The following PAPPA variants were observed in gnomAD, a reference collection of about 807,000 sequenced individuals.
PAPPA encodes pappalysin-1.
In PAPPA, 60 loss-of-function variants were observed where a neutral mutation model predicts 164.0. The ratio of observed to expected loss-of-function variants is 0.37; its 90% CI spans 0.30 to 0.45. The LOEUF (loss-of-function observed/expected upper bound fraction) is 0.45, where lower values mean the gene tolerates loss of function less well. Among genes scored for constraint, PAPPA ranks in the 20% least tolerant of loss-of-function variants. The probability of loss-of-function intolerance (pLI) is 1.00; values close to 1 mark genes in which losing one functional copy is unlikely to be tolerated. For synonymous variants in PAPPA, 875 were observed against 814.1 expected, an observed-to-expected ratio of 1.07 and a Z score of -1.27; for missense variants, 1,782 against 2,087.3, an observed-to-expected ratio of 0.85 and a Z score of 2.85.
At chr9:116,343,968 A>G (rs1846172942) in intron 13 of PAPPA, among the ~76,000 whole-genome samples, 1 of 151,770 alleles carries the variant, frequency 6.6e-6, no homozygotes, top group Admixed American at 6.6e-5. Flanking sequence ...GGGTTTTACC[A>G]TGTTGGTCAG....
chr9:116,351,776 T>C (rs956260382), intron 15 of PAPPA, among the ~76,000 whole-genome samples: 11 of 152,210 alleles, frequency 7.2e-5, no homozygotes, highest in Admixed American at 1.3e-4. Context: ...ACTCGGTACA[T>C]AGTAACTGCC....
intron 21 of PAPPA, 47 bp downstream of exon 21, chr9:116,382,540 C>G (rs749626828): frequency 1.6e-5 from 19 of 1,153,898 alleles, no homozygotes; most frequent in Admixed American, 6.7e-5. Context: ...CCCACTTCTC[C>G]AGCTTGTGGG....
chr9:116,154,600 G>A lies in PAPPA; in HGVS notation c.415+13G>A. On this transcript the variant is annotated intron_variant, in intron 1 of 21. Transcript: ENST00000328252. The surrounding 1 kb of genome is among the most constrained non-coding windows in gnomAD (Gnocchi z 5.2). ...GCAGTGATCACAGGTAGGTGAGGGC[G>A]CCTCGGCGGGCGCTGCACCGTCCCT... is the stretch of plus-strand genomic sequence containing the variant. The A allele has an allele frequency of 7.5e-7, 1 of 1,335,346 alleles. No homozygotes were observed. Among genetic ancestry groups the A allele is most frequent in the South Asian group, 1.9e-5 (1 of 52,564 alleles). 82.7% of individuals were successfully genotyped at this position (1,335,346 alleles called of 1,614,324 possible). A position where few individuals can be genotyped will look rare whatever the true frequency, so the allele number is the denominator to read the frequency against.
intron 10 of PAPPA, among the ~76,000 whole-genome samples, chr9:116,304,421 A>G (rs989676148): frequency 6.6e-6 from 1 of 152,226 alleles, no homozygotes; most frequent in African/African-American, 2.4e-5. Flanking sequence ...TTCAGAAACA[A>G]CAGTGCTGGG....
At chr9:116,356,769 TAGTTTTA>T (rs916528693) in intron 17 of PAPPA, among the ~76,000 whole-genome samples, 1 of 152,162 alleles carries the variant, frequency 6.6e-6, no homozygotes, top group Non-Finnish European at 1.5e-5. Flanking sequence ...CCTTGTAGTG[TAGTTTTA>T]AGTCAGGTAG....
rs948415195 is a variant in PAPPA at position 116,332,745 on chromosome 9, C to A, written c.3397+277C>A. On this transcript the variant is annotated intron_variant, in intron 12 of 21. Coordinates refer to ENST00000328252, the MANE Select transcript of PAPPA (RefSeq NM_002581.5). ...GACATCCTGTATTATTCCCCACAGA[C>A]CCCAAGAAGGAGAGAGACTGAGTAA... 4 of 300,174 alleles carry A rather than the reference C, an allele frequency of 1.3e-5. No individual in the cohort carries two copies. The East Asian group carries it at 2.3e-4, about 17-fold the overall frequency. The allele number at this position is 300,174 out of a possible 1,614,324, so 18.6% of individuals were successfully genotyped here.
chr9:116,323,872 T>C (rs777764292), intron 10 of PAPPA, among the ~76,000 whole-genome samples: 29 of 152,202 alleles, frequency 1.9e-4, no homozygotes, highest in Non-Finnish European at 3.2e-4. Flanking sequence ...TCTTACTCTG[T>C]CTTTCCATAA....
Position 116,371,929 on chromosome 9 carries a change from G to T in PAPPA, c.4605+4175G>T, listed in dbSNP as rs192551185. ...ATTTGTAAATTTATTTGTAGACTTG[G>T]TCCCTATCACTACGAATTGGTTTTG... On this transcript the variant is annotated intron_variant, in intron 19 of 21. Transcript: ENST00000328252. 1.3e-4 allele frequency among the ~76,000 whole-genome samples: 20 copies of T among 152,164 alleles called. No individual in the cohort carries two copies. The East Asian group carries it at 3.9e-3, about 29-fold the overall frequency.
intron 13 of PAPPA, among the ~76,000 whole-genome samples, chr9:116,335,377 T>C (rs1033660105): frequency 6.6e-6 from 1 of 152,126 alleles, no homozygotes; most frequent in Non-Finnish European, 1.5e-5. Context: ...TGAGCTTCAG[T>C]GTCCTCATCT....
intron 19 of PAPPA, among the ~76,000 whole-genome samples, chr9:116,371,554 A>C (rs899628786): frequency 6.6e-6 from 1 of 151,886 alleles, no homozygotes; most frequent in Non-Finnish European, 1.5e-5. Flanking sequence ...ATAAATAAAA[A>C]CTTTACAGAT....
At chr9:116,186,614 G>A (rs1020192400) in intron 1 of PAPPA, among the ~76,000 whole-genome samples, 1 of 152,086 alleles carries the variant, frequency 6.6e-6, no homozygotes, top group Non-Finnish European at 1.5e-5. Flanking sequence ...GCTAATGGCA[G>A]ATGTACACTC....
intron 7 of PAPPA, among the ~76,000 whole-genome samples, chr9:116,259,533 CAT>C (rs1262472852): frequency 6.6e-6 from 1 of 152,074 alleles, no homozygotes; most frequent in Non-Finnish European, 1.5e-5. Context: ...GATCCACAAA[CAT>C]GTGAAAAGAT....
At chr9:116,301,689 A>G (rs907588678) in intron 9 of PAPPA, among the ~76,000 whole-genome samples, 8 of 152,162 alleles carry the variant, frequency 5.3e-5, no homozygotes, top group Non-Finnish European at 1.2e-4. Flanking sequence ...ATCATTCCAA[A>G]CAGAAGCACT....
At chr9:116,233,203 C>T (rs774552490) in intron 6 of PAPPA, among the ~76,000 whole-genome samples, 7 of 152,220 alleles carry the variant, frequency 4.6e-5, no homozygotes, top group Admixed American at 2.6e-4. Context: ...AGCTACATGG[C>T]GTTGAGCGAA....
At chr9:116,278,110 G>A (rs923656588) in intron 9 of PAPPA, among the ~76,000 whole-genome samples, 19 of 152,022 alleles carry the variant, frequency 1.2e-4, no homozygotes, top group East Asian at 9.7e-4. Flanking sequence ...CATAGCAGAC[G>A]TGAGATTCAC....
At chr9:116,192,847 A>C (rs1398826363) in intron 2 of PAPPA, among the ~76,000 whole-genome samples, 9 of 152,202 alleles carry the variant, frequency 5.9e-5, no homozygotes, top group Non-Finnish European at 1.3e-4. Context: ...CCTGGATATT[A>C]ATAGAAAATT....
chr9:116,254,738 C>T (rs1191970112), intron 7 of PAPPA, among the ~76,000 whole-genome samples: 3 of 142,674 alleles, frequency 2.1e-5, no homozygotes, highest in Non-Finnish European at 4.5e-5. Context: ...GCCAAGACTG[C>T]ACCACTGCAC....
chr9:116,214,906 A>T (rs1470483275), intron 4 of PAPPA, among the ~76,000 whole-genome samples: 1 of 152,174 alleles, frequency 6.6e-6, no homozygotes, highest in Non-Finnish European at 1.5e-5. Context: ...CAAATAAGTC[A>T]ATTGGTATGC....
At chr9:116,365,100 C>T (rs1033900126) in intron 18 of PAPPA, among the ~76,000 whole-genome samples, 1 of 152,190 alleles carries the variant, frequency 6.6e-6, no homozygotes, top group African/African-American at 2.4e-5. Flanking sequence ...GCCTGACTTC[C>T]ACCTCCCAGG....
Sources: allele counts gnomAD v4.1 joint callset (sites outside exome capture counted in the v4.1 genomes callset), GRCh38; gene constraint gnomAD v4.1.1; non-coding constraint Gnocchi (gnomAD v3.1); transcripts MANE v1.5; gene names NCBI Gene and HGNC (gene_info 2026-07-23, HGNC 2026-07-21).